The following SLC38A10 variants were observed in gnomAD, a reference collection of about 807,000 sequenced individuals.
The protein encoded by SLC38A10 is solute carrier family 38 member 10.
A neutral mutation model predicts 81.0 loss-of-function variants in SLC38A10; 53 were observed. The observed-to-expected ratio is 0.65, with a 90% CI of 0.53 to 0.82. The LOEUF is 0.82. SLC38A10 is among the 40% of genes least tolerant of loss of function. SLC38A10 has a pLI of 0.00. For missense variants in SLC38A10, 1,471 were observed against 1,545.0 expected, an observed-to-expected ratio of 0.95 and a Z score of 0.80; for synonymous variants, 665 against 655.3, an observed-to-expected ratio of 1.01 and a Z score of -0.23.
At chr17:81,272,788 A>G (rs1203347052) in intron 8 of SLC38A10, among the ~76,000 whole-genome samples, 161 bp from the exon 9 acceptor site, 2 of 152,174 alleles carry the variant, frequency 1.3e-5, no homozygotes, top group Non-Finnish European at 2.9e-5. Flanking sequence ...GCACAATCAG[A>G]TCTGGCTGAG....
chr17:81,246,693 T>A lies in SLC38A10; in HGVS notation c.2243-20A>T. 2 of 1,501,122 alleles carry A rather than the reference T, an allele frequency of 1.3e-6. No individual in the cohort carries two copies. The highest frequency in any genetic ancestry group is 1.8e-6 in the Non-Finnish European group (2 of 1,126,056). The allele number at this position is 1,501,122 out of a possible 1,614,324, so 93.0% of individuals were successfully genotyped here. ...CCTCCACTGCAAATGAAGTCGGTCA[T>A]CAATTTAGCCACAGCACTGTACACA... is the stretch of plus-strand genomic sequence containing the variant. On this transcript the variant is annotated intron_variant, in intron 15 of 15. Transcript: ENST00000374759.
chr17:81,273,978 C>T (rs921514566), intron 8 of SLC38A10, among the ~76,000 whole-genome samples: 1 of 152,264 alleles, frequency 6.6e-6, no homozygotes, highest in African/African-American at 2.4e-5. Flanking sequence ...AGGAAACAGC[C>T]AGGTCCACCT....
intron 6 of SLC38A10, among the ~76,000 whole-genome samples, chr17:81,279,473 C>T (rs140663068): frequency 9.2e-4 from 140 of 152,194 alleles, no homozygotes; most frequent in East Asian, 9.1e-3. Context: ...GTCAGCACGG[C>T]GGCCGGCACA....
Position 81,245,732 on chromosome 17 carries a change from C to T in SLC38A10, c.3184G>A (p.Gly1062Ser). 6.3e-7 allele frequency: 1 copy of T among 1,597,508 alleles called. No homozygotes were observed. Among genetic ancestry groups the T allele is most frequent in the Non-Finnish European group, 8.6e-7 (1 of 1,168,426 alleles). The change falls in exon 16 of 16, where the codon GGT becomes AGT. Residue 1062 changes from glycine to serine, a missense_variant. Around this residue, in one of 2 missense-constraint regions of SLC38A10, gnomAD observed 751 missense variants for 717.4 expected, o/e 1.05. Transcript: ENST00000374759. ...ACCCCATCCCTCGGGGCCAGCTGAC[C>T]CTCTGCATGAGGGCCAAGGTCCCGC... Reference protein sequence around the residue: ...RRRDLGPHAEGQLAPRDGVII... With the variant: ...RRRDLGPHAESQLAPRDGVII...
chr17:81,259,188 T>C (rs2062998966), intron 11 of SLC38A10, among the ~76,000 whole-genome samples: 1 of 152,186 alleles, frequency 6.6e-6, no homozygotes, highest in Admixed American at 6.5e-5. Flanking sequence ...TCTCCTCCTG[T>C]CTGTTACAGA....
chr17:81,260,951 GCC>G (rs2063017813), intron 10 of SLC38A10, among the ~76,000 whole-genome samples: 1 of 152,262 alleles, frequency 6.6e-6, no homozygotes, highest in Non-Finnish European at 1.5e-5. Context: ...GCAGACGCAG[GCC>G]CGTGCGCATG....
Position 81,276,370 on chromosome 17 carries a change from ATTTCTTTCTT to A in SLC38A10, c.730-229_730-220del, listed in dbSNP as rs2063162431. Among the ~76,000 whole-genome samples the A allele has an allele frequency of 6.7e-6, 1 of 148,160 alleles. No individual in the cohort carries two copies. The highest frequency in any genetic ancestry group is 2.1e-4 in the South Asian group (1 of 4,708). On this transcript the variant is annotated intron_variant, in intron 7 of 15. Coordinates refer to ENST00000374759, the MANE Select transcript of SLC38A10 (RefSeq NM_001037984.3). This position sits in a 1 kb window ranked among gnomAD's most constrained non-coding sequence, Gnocchi z 4.7. ...CTCTAGTTTCTGTAAGAACATGCCC[ATTTCTTTCTT>A]TTTCTTTCTTTTTTTTTTTTTTTGA...
rs1164191539 is a variant in SLC38A10 at position 81,253,812 on chromosome 17, C to T, written c.1289-572G>A. On this transcript the variant is annotated intron_variant, in intron 11 of 15. Transcript: ENST00000374759. This position sits in a 1 kb window ranked among gnomAD's most constrained non-coding sequence, Gnocchi z 4.1. ...CTACCACCATCACCATCATCATCAC[C>T]GTCACCATCATCACCATCACCGCTA... Among the ~76,000 whole-genome samples the T allele has an allele frequency of 1.3e-5, 2 of 149,916 alleles. No homozygotes were observed. Among genetic ancestry groups the T allele is most frequent in the African/African-American group, 2.5e-5 (1 of 40,082 alleles).
At position 81,270,581 on chromosome 17, in the gene SLC38A10, C is replaced by T. The variant is rs865927680; in HGVS notation, c.1131+337G>A. 2.7e-5 allele frequency among the ~76,000 whole-genome samples: 4 copies of T among 150,494 alleles called. No individual in the cohort carries two copies. In the East Asian group the frequency reaches 6.0e-4, roughly 23 times the overall value. On this transcript the variant is annotated intron_variant, in intron 10 of 15. Coordinates refer to ENST00000374759, the MANE Select transcript of SLC38A10 (RefSeq NM_001037984.3). This position sits in a 1 kb window ranked among gnomAD's most constrained non-coding sequence, Gnocchi z 4.0. The stretch of plus-strand genomic sequence containing the variant: ...GGTGGGTGGTGGCCTCAGGGGTGGG[C>T]GGCTGGGGAGGGGACTCAGAGGTGG...
chr17:81,250,926 T>C (rs2062904202), intron 14 of SLC38A10: 4 of 1,215,652 alleles, frequency 3.3e-6, no homozygotes, highest in Non-Finnish European at 4.1e-6. Context: ...CGTAAGGAGC[T>C]TTCCTGGAGG....
At chr17:81,285,223 C>T in intron 2 of SLC38A10, 1 of 251,434 alleles carries the variant, frequency 4.0e-6, no homozygotes, top group Non-Finnish European at 7.6e-6. Flanking sequence ...CTGGAAACAG[C>T]ATCCCACAGC....
At position 81,286,406 on chromosome 17, in the gene SLC38A10, G is replaced by A. The variant is rs571209160; in HGVS notation, c.218-1511C>T. ...CTGAGAGCCCACCACGCTGAGACACGGCCCCACGCGCCTTCTTTTCCCCAC... is the reference window on the plus strand; with the variant it reads ...CTGAGAGCCCACCACGCTGAGACACAGCCCCACGCGCCTTCTTTTCCCCAC... On this transcript the variant is annotated intron_variant, in intron 2 of 15. Transcript: ENST00000374759. The surrounding 1 kb of genome is among the most constrained non-coding windows in gnomAD (Gnocchi z 6.0). Among the ~76,000 whole-genome samples, 2 of 152,220 alleles carry A rather than the reference G, an allele frequency of 1.3e-5. No homozygotes were observed. The highest frequency in any genetic ancestry group is 6.5e-5 in the Admixed American group (1 of 15,294).
Position 81,277,055 on chromosome 17 carries a change from A to G in SLC38A10, c.705T>C (p.Asn235=), listed in dbSNP as rs2063168410. 3.1e-6 allele frequency: 5 copies of G among 1,613,884 alleles called. No homozygotes were observed. Among genetic ancestry groups the G allele is most frequent in the Non-Finnish European group, 2.5e-6 (3 of 1,179,922 alleles). ...CCATGACGTAGAAGGTGGTGACCAC[A>G]TTAAGGGAGGAAGCAAATATGGAGC... ...TMSSIFASSL[N]VVTTFYVMVG... The change falls in exon 7 of 16, where the codon AAT becomes AAC. Residue 235 remains asparagine (N), a synonymous_variant. Coordinates refer to ENST00000374759, the MANE Select transcript of SLC38A10 (RefSeq NM_001037984.3). This position sits in a 1 kb window ranked among gnomAD's most constrained non-coding sequence, Gnocchi z 4.5.
At chr17:81,274,647 G>A (rs927464320) in intron 8 of SLC38A10, among the ~76,000 whole-genome samples, 1 of 152,220 alleles carries the variant, frequency 6.6e-6, no homozygotes, top group African/African-American at 2.4e-5. Context: ...CTGCAGAGTG[G>A]CGTCTGCACC....
chr17:81,246,918 T>C lies in SLC38A10; in HGVS notation c.2209A>G (p.Arg737Gly). ...EEQHKEIHQQ[R>G]QEDEEDKPRQ... ...GGTTTATCCTCCTCGTCCTCCTGCC[T>C]CTGCTGGTGGATCTCCTTGTGCTGC... The change falls in exon 15 of 16, where the codon AGG (arginine) becomes GGG (glycine). Residue 737 changes from arginine to glycine, a missense_variant. Arg to Gly is a moderately radical substitution (Grantham distance 125). Around this residue, in one of 2 missense-constraint regions of SLC38A10, gnomAD observed 751 missense variants for 717.4 expected, o/e 1.05. Transcript: ENST00000374759. 6.2e-7 allele frequency: 1 copy of C among 1,604,838 alleles called. No individual in the cohort carries two copies. Among genetic ancestry groups the C allele is most frequent in the African/African-American group, 1.3e-5 (1 of 75,004 alleles).
In SLC38A10 at chr17:81,273,886, G is replaced by A. The variant is rs143069809; in HGVS notation, c.913-1259C>T. ...GTAGGGACCGTGGAGAAACGCTCAC[G>A]GCACATGGGCCGAAGACAAGAAAGC... On this transcript the variant is annotated intron_variant, in intron 8 of 15. Coordinates refer to ENST00000374759, the MANE Select transcript of SLC38A10 (RefSeq NM_001037984.3). Among the ~76,000 whole-genome samples, 173 of 152,306 alleles carry A rather than the reference G, an allele frequency of 1.1e-3. 1 individual carries two copies. Among genetic ancestry groups the A allele is most frequent in the Non-Finnish European group, 1.7e-3 (117 of 68,034 alleles).
In SLC38A10 at chr17:81,289,134, G is replaced by A. The variant is rs547738838; in HGVS notation, c.217+557C>T. On this transcript the variant is annotated intron_variant, in intron 2 of 15. Coordinates refer to ENST00000374759, the MANE Select transcript of SLC38A10 (RefSeq NM_001037984.3). The surrounding 1 kb of genome is among the most constrained non-coding windows in gnomAD (Gnocchi z 5.9). ...CAGCTCACTGCAGCCTCCACCTATC[G>A]GGTTCAAGAGATTCTCTGGCCTCAG... Among the ~76,000 whole-genome samples the A allele has an allele frequency of 2.6e-5, 4 of 151,948 alleles. No individual in the cohort carries two copies. Among genetic ancestry groups the A allele is most frequent in the South Asian group, 2.1e-4 (1 of 4,806 alleles).
At chr17:81,250,355 C>T (rs1159944957) in intron 14 of SLC38A10, among the ~76,000 whole-genome samples, 1 of 152,252 alleles carries the variant, frequency 6.6e-6, no homozygotes, top group Non-Finnish European at 1.5e-5. Flanking sequence ...GGGCGAGCTG[C>T]ACCTGGAGAA....
chr17:81,247,329 G>A (rs2062861828), intron 14 of SLC38A10: 1 of 351,046 alleles, frequency 2.8e-6, no homozygotes, highest in Non-Finnish European at 5.2e-6. Context: ...GCCAGCCACT[G>A]TGCCGCATCA....
Sources: gnomAD v4.1 joint callset for allele counts (sites outside exome capture counted in the v4.1 genomes callset) on GRCh38, gnomAD v4.1.1 for gene constraint, gnomAD v4.1.1 regional missense constraint, Gnocchi (gnomAD v3.1) non-coding constraint, MANE v1.5 for transcripts, NCBI Gene and HGNC (gene_info 2026-07-23, HGNC 2026-07-21) for gene names.